The following HSPD1 variants were observed in gnomAD, a reference collection of about 807,000 sequenced individuals.
HSPD1 encodes 60 kDa heat shock protein, mitochondrial.
A neutral mutation model predicts 53.0 loss-of-function variants in HSPD1; 3 were observed. That is an observed-to-expected ratio of 0.06 (90% CI 0.03 to 0.15). The LOEUF (loss-of-function observed/expected upper bound fraction) is 0.15. Ranked by LOEUF, HSPD1 falls within the 10% of genes least tolerant of loss-of-function variation. The pLI, the probability that HSPD1 is intolerant of heterozygous loss-of-function variation, is 1.00. For missense variants in HSPD1, 431 were observed against 694.1 expected (o/e 0.62, Z 4.26); for synonymous variants, 200 against 228.0 (o/e 0.88, Z 1.10).
chr2:197,495,476 C>A, intron 3 of HSPD1, 100 bp from the exon 4 acceptor site: 7 of 854,098 alleles, frequency 8.2e-6, no homozygotes, highest in Admixed American at 4.5e-5. Context: ...AATGCCTTAA[C>A]TTAAAAAAAA....
At chr2:197,490,783 T>C (rs987116097) in intron 7 of HSPD1, among the ~76,000 whole-genome samples, 3 of 152,200 alleles carry the variant, frequency 2.0e-5, no homozygotes, top group South Asian at 2.1e-4. Context: ...ATAACTATTA[T>C]GAATGGTAGA....
rs770963895 is a variant in HSPD1 at position 197,492,655 on chromosome 2, T to C, written c.869+669A>G. Among the ~76,000 whole-genome samples, 205 of 150,782 alleles carry C rather than the reference T, an allele frequency of 1.4e-3. 1 individual carries two copies. The highest frequency in any genetic ancestry group is 3.4e-3 in the Middle Eastern group (1 of 294). On this transcript the variant is annotated intron_variant, in intron 7 of 11. Coordinates refer to ENST00000388968, the MANE Select transcript of HSPD1 (RefSeq NM_002156.5). ...GAGGCTTGAGCTGAGATTGAGCCAC[T>C]GCACTACTGCACTCCAGCCTGGGTG...
At chr2:197,491,267 A>T (rs945747794) in intron 7 of HSPD1, among the ~76,000 whole-genome samples, 1 of 149,424 alleles carries the variant, frequency 6.7e-6, no homozygotes, top group Admixed American at 6.7e-5. Flanking sequence ...GGCTCACTGC[A>T]ACCTCCGCCT....
intron 7 of HSPD1, among the ~76,000 whole-genome samples, chr2:197,491,541 G>C (rs2086092679): frequency 1.3e-5 from 2 of 152,268 alleles, no homozygotes; most frequent in Admixed American, 1.3e-4. Flanking sequence ...TAGAGCTTTT[G>C]GGTCAGATGA....
chr2:197,498,613 C>T lies in HSPD1; in HGVS notation c.174+62G>A, dbSNP rs2086191586. Reference sequence around the variant, plus strand: ...AGTACTGTTGAATAGTTCAGTGCGACTATTTGTGAGTAAAATGCTATTAAT... The same window carrying T: ...AGTACTGTTGAATAGTTCAGTGCGATTATTTGTGAGTAAAATGCTATTAAT... On this transcript the variant is annotated intron_variant, in intron 2 of 11. Transcript: ENST00000388968. 4 of 1,419,738 alleles carry T rather than the reference C, an allele frequency of 2.8e-6. No individual in the cohort carries two copies. In the Admixed American group the frequency reaches 6.7e-5, roughly 24 times the overall value. The allele number at this position is 1,419,738 out of a possible 1,614,324, so 87.9% of individuals were successfully genotyped here. A position where few individuals can be genotyped will look rare whatever the true frequency, so the allele number is the denominator to read the frequency against.
rs2086031665 is a variant in HSPD1, at chr2:197,486,858, T to C, written c.*188A>G. Reference sequence around the variant, plus strand: ...ATACAAAATAAATTATCTGTAGGCATGGACAATGACAGCAGTAAACCATTA... The same window carrying C: ...ATACAAAATAAATTATCTGTAGGCACGGACAATGACAGCAGTAAACCATTA... On this transcript the variant is annotated 3_prime_UTR_variant, in exon 12 of 12. Transcript: ENST00000388968. The C allele has an allele frequency of 1.2e-5, 7 of 594,822 alleles. No individual in the cohort carries two copies. The highest frequency in any genetic ancestry group is 2.1e-5 in the Non-Finnish European group (7 of 333,656). 36.8% of individuals were successfully genotyped at this position (594,822 alleles called of 1,614,324 possible).
chr2:197,497,591 C>A (rs2086174512), intron 2 of HSPD1, 199 bp from the exon 3 acceptor site: 1 of 607,634 alleles, frequency 1.6e-6, no homozygotes, highest in Non-Finnish European at 2.9e-6. Context: ...TGATTCTCTG[C>A]CAAGAGCATA....
chr2:197,492,079 C>T lies in HSPD1; in HGVS notation c.869+1245G>A, dbSNP rs4850796. ...GGCTGAGGCAGGAGGATTGCTTGACCCCAAGAGTTCAAGGCTGCAGTGAGC... is the reference window on the plus strand; with the variant it reads ...GGCTGAGGCAGGAGGATTGCTTGACTCCAAGAGTTCAAGGCTGCAGTGAGC... On this transcript the variant is annotated intron_variant, in intron 7 of 11. Transcript: ENST00000388968. 7.4e-3 allele frequency among the ~76,000 whole-genome samples: 1,122 copies of T among 152,322 alleles called. 32 individuals carry two copies. The highest frequency in any genetic ancestry group is 0.068 in the East Asian group (354 of 5,186).
chr2:197,493,755 AG>A (rs1362156374), intron 6 of HSPD1, among the ~76,000 whole-genome samples: 1 of 152,222 alleles, frequency 6.6e-6, no homozygotes, highest in East Asian at 1.9e-4. Context: ...ACTTGAGGCC[AG>A]GAATTCAAAA....
chr2:197,492,862 TAGTC>T (rs748278443), intron 7 of HSPD1, among the ~76,000 whole-genome samples: 1 of 151,112 alleles, frequency 6.6e-6, no homozygotes, highest in Non-Finnish European at 1.5e-5. Flanking sequence ...ATACAAAAAT[TAGTC>T]AGGTGTGGTG....
Position 197,491,914 on chromosome 2 carries a change from G to C in HSPD1, c.869+1410C>G, listed in dbSNP as rs185222203. ...AGCACTTTGGGAGGCTGAGGTGGGAGAATCACTTAAGATTCACCAACAGTT... is the reference window on the plus strand; with the variant it reads ...AGCACTTTGGGAGGCTGAGGTGGGACAATCACTTAAGATTCACCAACAGTT... On this transcript the variant is annotated intron_variant, in intron 7 of 11. Transcript: ENST00000388968. Among the ~76,000 whole-genome samples, 182 of 152,284 alleles carry C rather than the reference G, an allele frequency of 1.2e-3. 3 individuals are homozygous for C. Among genetic ancestry groups the C allele is most frequent in the African/African-American group, 4.1e-3 (171 of 41,556 alleles).
Position 197,488,036 on chromosome 2 carries a change from C to A in HSPD1, c.1391G>T (p.Gly464Val). The change falls in exon 11 of 12, where the codon GGT becomes GTT. Residue 464 changes from glycine (G) to valine (V), a missense_variant and splice_region_variant. Gly to Val is a moderately radical substitution (Grantham distance 109). This residue lies in a region of HSPD1 where 386 missense variants were observed against 657.6 expected (regional missense o/e 0.59). Transcript: ENST00000388968. ...LTPANEDQKI[G>V]IEIIKRTLKI... is the part of the protein sequence containing the mutation. ...GAGTGTTCTTTTAATAATTTCTATA[C>A]CTACAGAGAAATTTCAGCAAAATTT... The A allele has an allele frequency of 6.3e-7, 1 of 1,589,632 alleles. No individual in the cohort carries two copies. The highest frequency in any genetic ancestry group is 1.7e-5 in the Admixed American group (1 of 58,020).
At chr2:197,492,459 G>A (rs911937007) in intron 7 of HSPD1, among the ~76,000 whole-genome samples, 1 of 152,050 alleles carries the variant, frequency 6.6e-6, no homozygotes, top group Non-Finnish European at 1.5e-5. Context: ...CCAAGTGCTG[G>A]GATTATAGCT....
chr2:197,486,878 C>T lies in HSPD1; in HGVS notation c.*168G>A. 3 of 611,390 alleles carry T rather than the reference C, an allele frequency of 4.9e-6. No individual in the cohort carries two copies. 37.9% of individuals were successfully genotyped at this position (611,390 alleles called of 1,614,324 possible). A position where few individuals can be genotyped will look rare whatever the true frequency, so the allele number is the denominator to read the frequency against. Reference sequence around the variant, plus strand: ...AGGCATGGACAATGACAGCAGTAAACCATTATATATTTTGTCAACTGAAAC... The same window carrying T: ...AGGCATGGACAATGACAGCAGTAAATCATTATATATTTTGTCAACTGAAAC... On this transcript the variant is annotated 3_prime_UTR_variant, in exon 12 of 12. Transcript: ENST00000388968.
intron 10 of HSPD1, 95 bp from the exon 11 acceptor site, chr2:197,488,131 A>G (rs779773783): frequency 2.5e-5 from 26 of 1,033,674 alleles, no homozygotes; most frequent in Non-Finnish European, 3.5e-5. Flanking sequence ...GGAAATCCCA[A>G]TCCTACTACA....
At chr2:197,494,836 C>T (rs1273865842) in intron 4 of HSPD1, 84 bp from the exon 5 acceptor site, 2 of 865,772 alleles carry the variant, frequency 2.3e-6, no homozygotes, top group South Asian at 1.3e-5. Flanking sequence ...TAGTAACTTC[C>T]AAATTGATAC....
chr2:197,489,227 C>T lies in HSPD1; in HGVS notation c.990G>A (p.Leu330=), dbSNP rs755147825. 3.7e-6 allele frequency: 6 copies of T among 1,614,056 alleles called. No homozygotes were observed. In the East Asian group the frequency reaches 1.1e-4, roughly 30 times the overall value. The change falls in exon 9 of 12, where the codon TTG becomes TTA. Residue 330 remains leucine (L), a synonymous_variant. Coordinates refer to ENST00000388968, the MANE Select transcript of HSPD1 (RefSeq NM_002156.5). ...TGGAVFGEEG[L]TLNLEDVQPH... ...GCTGAACGTCTTCAAGATTCAGGGT[C>T]AATCCCTCTTCTCCAAACACCTACA...
Position 197,495,286 on chromosome 2 carries a change from G to A in HSPD1, c.510+8C>T, listed in dbSNP as rs553299722. The stretch of plus-strand genomic sequence containing the variant: ...TTTTAAAAAACGTGTAACATGTTAA[G>A]TCCTTACCTGTGCAATTTCTTCAGG... On this transcript the variant is annotated splice_region_variant and intron_variant, in intron 4 of 11. Transcript: ENST00000388968. The A allele has an allele frequency of 6.4e-6, 10 of 1,560,680 alleles. No individual in the cohort carries two copies. The Middle Eastern group carries it at 1.1e-3, about 167-fold the overall frequency.
At chr2:197,489,295 C>A in intron 8 of HSPD1, 48 bp from the exon 9 acceptor site, 1 of 1,600,884 alleles carries the variant, frequency 6.2e-7, no homozygotes, top group South Asian at 1.1e-5. Flanking sequence ...CAGTTTCTGC[C>A]ATTATACCAA....
Sources: gnomAD v4.1 joint callset for allele counts (sites outside exome capture counted in the v4.1 genomes callset) on GRCh38, gnomAD v4.1.1 for gene constraint, gnomAD v4.1.1 regional missense constraint, MANE v1.5 for transcripts, NCBI Gene and HGNC (gene_info 2026-07-23, HGNC 2026-07-21) for gene names.